Variants in PRKN observed in about 807,000 individuals in gnomAD.
The protein encoded by PRKN is E3 ubiquitin-protein ligase parkin.
Under a neutral mutation model 59.5 loss-of-function variants are expected in PRKN, and 56 were observed. The observed-to-expected ratio is 0.94, with a 90% confidence interval of 0.76 to 1.18. The LOEUF (loss-of-function observed/expected upper bound fraction) is 1.18. PRKN is among the 50% of genes most tolerant of loss of function. The pLI, the probability that PRKN is intolerant of heterozygous loss-of-function variation, is 0.00. For missense variants in PRKN, 657 were observed against 596.4 expected (o/e 1.10, Z -1.06); for synonymous variants, 250 against 222.1 (o/e 1.13, Z -1.12).
chr6:161,741,126 G>A (rs1158633824), intron 7 of PRKN, among the ~76,000 whole-genome samples: 1 of 152,198 alleles, frequency 6.6e-6, no homozygotes, highest in African/African-American at 2.4e-5. Flanking sequence ...TTCACGCTGA[G>A]TCCAACTTTT....
At chr6:162,206,841 G>T (rs1444201546) in intron 3 of PRKN, among the ~76,000 whole-genome samples, 2 of 152,168 alleles carry the variant, frequency 1.3e-5, no homozygotes, top group Non-Finnish European at 2.9e-5. Flanking sequence ...GTCTCCACAA[G>T]GACACAACCA....
intron 1 of PRKN, among the ~76,000 whole-genome samples, chr6:162,556,270 C>T (rs957779409): frequency 6.6e-6 from 1 of 150,498 alleles, no homozygotes; most frequent in Non-Finnish European, 1.5e-5. Flanking sequence ...TTTTGGAAAC[C>T]CAAGTTGAGA....
intron 1 of PRKN, among the ~76,000 whole-genome samples, chr6:162,696,008 A>G (rs1777952117): frequency 1.3e-5 from 2 of 152,250 alleles, no homozygotes; most frequent in South Asian, 2.1e-4. Context: ...AGCTGCTCTG[A>G]AAAGTAAACG....
At chr6:161,573,103 G>A (rs1002565709) in intron 7 of PRKN, among the ~76,000 whole-genome samples, 7 of 152,140 alleles carry the variant, frequency 4.6e-5, no homozygotes, top group Non-Finnish European at 7.3e-5. Context: ...GTCTGGGGCC[G>A]AGTGTCCGAA....
intron 7 of PRKN, among the ~76,000 whole-genome samples, chr6:161,601,064 T>A (rs541244207): frequency 6.6e-6 from 1 of 152,350 alleles, no homozygotes; most frequent in Non-Finnish European, 1.5e-5. Flanking sequence ...ACTATATGAA[T>A]CTTTTCTAAA....
intron 7 of PRKN, among the ~76,000 whole-genome samples, chr6:161,655,000 T>C (rs1233207198): frequency 1.3e-5 from 2 of 152,178 alleles, no homozygotes; most frequent in Non-Finnish European, 2.9e-5. Flanking sequence ...TGAGGACAGC[T>C]GCAGTCAGAG....
At chr6:162,392,005 TCTTCA>T (rs1020079643) in intron 2 of PRKN, among the ~76,000 whole-genome samples, 1 of 150,434 alleles carries the variant, frequency 6.6e-6, no homozygotes, top group African/African-American at 2.5e-5. Flanking sequence ...ATTTTAACAT[TCTTCA>T]CTTTTCTTAG....
At position 161,357,666 on chromosome 6, in the gene PRKN, C is replaced by G. The variant is rs962478422; in HGVS notation, c.1285+2422G>C. On this transcript the variant is annotated intron_variant, in intron 11 of 11. Coordinates refer to ENST00000366898, the MANE Select transcript of PRKN (RefSeq NM_004562.3). This position sits in a 1 kb window ranked among gnomAD's most constrained non-coding sequence, Gnocchi z 5.5. Reference sequence around the variant, plus strand: ...GCTACTCACTATGACATGGTAACATCTTGTTTCCAGTCTTTTTCTTCTGAT... The same window carrying G: ...GCTACTCACTATGACATGGTAACATGTTGTTTCCAGTCTTTTTCTTCTGAT... 3.6e-4 allele frequency among the ~76,000 whole-genome samples: 55 copies of G among 152,234 alleles called. No homozygotes were observed. The highest frequency in any genetic ancestry group is 1.2e-3 in the African/African-American group (50 of 41,468).
chr6:161,565,676 A>G (rs900537769), intron 8 of PRKN, among the ~76,000 whole-genome samples: 4 of 152,110 alleles, frequency 2.6e-5, no homozygotes, highest in African/African-American at 7.2e-5. Flanking sequence ...ACTGTGAGTC[A>G]ATTAAACCTC....
In PRKN at chr6:161,386,738, C is replaced by T. The variant is rs1204102075; in HGVS notation, c.1167+56G>A. 5 of 1,354,332 alleles carry T rather than the reference C, an allele frequency of 3.7e-6. No individual in the cohort carries two copies. The highest frequency in any genetic ancestry group is 5.3e-6 in the Non-Finnish European group (5 of 943,264). 83.9% of individuals were successfully genotyped at this position (1,354,332 alleles called of 1,614,324 possible). A position where few individuals can be genotyped will look rare whatever the true frequency, so the allele number is the denominator to read the frequency against. ...CTCCATGACCTCCAGGAAACGGCTC[C>T]AGTCCCCCACTGTATCCGGAGCCCT... On this transcript the variant is annotated intron_variant, in intron 10 of 11. Transcript: ENST00000366898. This position sits in a 1 kb window ranked among gnomAD's most constrained non-coding sequence, Gnocchi z 4.3.
chr6:162,463,693 A>C (rs113097258), intron 1 of PRKN, among the ~76,000 whole-genome samples: 5 of 152,138 alleles, frequency 3.3e-5, no homozygotes, highest in African/African-American at 9.7e-5. Context: ...CAGGAATCTC[A>C]TGTCTTGGGG....
intron 1 of PRKN, among the ~76,000 whole-genome samples, chr6:162,456,707 C>T (rs1212065889): frequency 2.0e-5 from 3 of 152,170 alleles, no homozygotes; most frequent in Non-Finnish European, 2.9e-5. Flanking sequence ...CTGGTTACAA[C>T]ATTTTCATCC....
At chr6:162,558,241 T>C (rs1184315219) in intron 1 of PRKN, among the ~76,000 whole-genome samples, 2 of 152,166 alleles carry the variant, frequency 1.3e-5, no homozygotes, top group African/African-American at 2.4e-5. Context: ...ATTCATGTTA[T>C]AGCCTTCATT....
At chr6:162,530,338 CACTT>C (rs1333968554) in intron 1 of PRKN, among the ~76,000 whole-genome samples, 1 of 151,846 alleles carries the variant, frequency 6.6e-6, no homozygotes, top group African/African-American at 2.4e-5. Context: ...TTTGAAGACT[CACTT>C]AGGGGCTAGA....
intron 9 of PRKN, among the ~76,000 whole-genome samples, chr6:161,524,079 T>A (rs991255974): frequency 5.3e-5 from 8 of 152,228 alleles, no homozygotes; most frequent in Non-Finnish European, 1.0e-4. Context: ...TAAAAATCCC[T>A]TGTTTCCACT....
At chr6:161,615,226 T>C (rs1302727567) in intron 7 of PRKN, among the ~76,000 whole-genome samples, 2 of 152,182 alleles carry the variant, frequency 1.3e-5, no homozygotes, top group African/African-American at 4.8e-5. Flanking sequence ...TTGTGTTATT[T>C]TGGGGCTTCT....
intron 1 of PRKN, among the ~76,000 whole-genome samples, chr6:162,576,495 A>G (rs1331992709): frequency 6.6e-6 from 1 of 152,122 alleles, no homozygotes; most frequent in Admixed American, 6.6e-5. Context: ...AGGCTTTCCT[A>G]AAAAAACACT....
chr6:162,570,841 A>AAATAG (rs1780293429), intron 1 of PRKN, among the ~76,000 whole-genome samples: 1 of 152,172 alleles, frequency 6.6e-6, no homozygotes, highest in Admixed American at 6.6e-5. Context: ...GGAGGGAAAA[A>AAATAG]AATAGAATGA....
In PRKN at chr6:161,483,131, GA is replaced by G. The variant is rs554532304; in HGVS notation, c.1083+65722del. On this transcript the variant is annotated intron_variant, in intron 9 of 11. Transcript: ENST00000366898. The surrounding 1 kb of genome is among the most constrained non-coding windows in gnomAD (Gnocchi z 5.0). ...GCAATTTCTCTCTATGTGTTCTGCA[GA>G]TAAATGTTCTTTCCGGCTCGTGACA... 6.2e-5 allele frequency among the ~76,000 whole-genome samples: 9 copies of G among 145,300 alleles called. No individual in the cohort carries two copies. In the South Asian group the frequency reaches 1.9e-3, roughly 31 times the overall value.
Sources: allele counts gnomAD v4.1 joint callset (sites outside exome capture counted in the v4.1 genomes callset), GRCh38; gene constraint gnomAD v4.1.1; non-coding constraint Gnocchi (gnomAD v3.1); transcripts MANE v1.5; gene names NCBI Gene and HGNC (gene_info 2026-07-23, HGNC 2026-07-21).